C8orf34: variants seen among roughly 807,000 people sequenced by gnomAD.
C8orf34 encodes chromosome 8 open reading frame 34, also known as uncharacterized protein C8orf34.
In C8orf34, 65 loss-of-function variants were observed where a neutral mutation model predicts 68.3. The observed-to-expected ratio is 0.95, with a 90% CI of 0.78 to 1.17. The LOEUF (loss-of-function observed/expected upper bound fraction) is 1.17. C8orf34 is among the 50% of genes most tolerant of loss of function. The pLI is 0.00. For missense variants in C8orf34, 664 were observed against 655.4 expected, an observed-to-expected ratio of 1.01 and a Z score of -0.14; for synonymous variants, 244 against 241.2, an observed-to-expected ratio of 1.01 and a Z score of -0.11.
At chr8:68,472,313 A>T (rs1392368317) in intron 4 of C8orf34, among the ~76,000 whole-genome samples, 1 of 152,044 alleles carries the variant, frequency 6.6e-6, no homozygotes, top group Non-Finnish European at 1.5e-5. Flanking sequence ...CATTCCTTCA[A>T]GTGTTTGCCC....
chr8:68,699,895 A>G (rs1820938361), intron 8 of C8orf34, among the ~76,000 whole-genome samples: 1 of 152,130 alleles, frequency 6.6e-6, no homozygotes, highest in African/African-American at 2.4e-5. Flanking sequence ...TTCAGGAGAT[A>G]GGAAGTTACA....
rs535079936 is a variant in C8orf34 at position 68,776,527 on chromosome 8, C to T, written c.1455+78C>T. 241 of 1,165,966 alleles carry T rather than the reference C, an allele frequency of 2.1e-4. 1 individual carries two copies. Among genetic ancestry groups the T allele is most frequent in the Non-Finnish European group, 3.0e-4 (233 of 787,630 alleles). The allele number at this position is 1,165,966 out of a possible 1,614,324, so 72.2% of individuals were successfully genotyped here. On this transcript the variant is annotated intron_variant, in intron 11 of 13. Transcript: ENST00000518698. ...GATGAAGCACTCACTTAGGCTTTCT[C>T]CATCTACTTGTAGGGTTTCTAGTCT...
chr8:68,623,446 G>A (rs1013052706), intron 7 of C8orf34, among the ~76,000 whole-genome samples: 1 of 152,066 alleles, frequency 6.6e-6, no homozygotes, highest in Non-Finnish European at 1.5e-5. Context: ...AATGTCTCCA[G>A]ACATTGTCCC....
intron 1 of C8orf34, among the ~76,000 whole-genome samples, chr8:68,391,691 G>A (rs1197415548): frequency 1.3e-5 from 2 of 152,140 alleles, no homozygotes; most frequent in African/African-American, 2.4e-5. Flanking sequence ...AAACCACAAG[G>A]TTTATTTCTC....
intron 1 of C8orf34, among the ~76,000 whole-genome samples, chr8:68,430,551 A>G (rs551677017): frequency 2.7e-4 from 41 of 152,288 alleles, no homozygotes; most frequent in African/African-American, 9.6e-4. Flanking sequence ...TTTGATGCCA[A>G]CACATACACA....
intron 9 of C8orf34, among the ~76,000 whole-genome samples, chr8:68,718,528 T>C (rs1821541803): frequency 6.6e-6 from 1 of 152,222 alleles, no homozygotes; most frequent in Admixed American, 6.5e-5. Context: ...TATGAGTTTC[T>C]GATTTAGTAC....
intron 7 of C8orf34, among the ~76,000 whole-genome samples, chr8:68,571,078 G>A (rs996621750): frequency 6.6e-6 from 1 of 152,114 alleles, no homozygotes; most frequent in South Asian, 2.1e-4. Flanking sequence ...CCTCCGTGGA[G>A]GAGAGTAGGA....
rs77131967 is a variant in C8orf34 at position 68,434,126 on chromosome 8, C to A, written c.328-5373C>A. On this transcript the variant is annotated intron_variant, in intron 1 of 13. Coordinates refer to ENST00000518698, the MANE Select transcript of C8orf34 (RefSeq NM_052958.4). ...AGGAATTTTGTCTTTGTATGCATTT[C>A]TTTCCTTTTTCTTCTTTTACTTTAA... Among the ~76,000 whole-genome samples the A allele has an allele frequency of 5.9e-3, 901 of 152,142 alleles. 34 individuals carry two copies. The East Asian group carries it at 0.11, about 18-fold the overall frequency.
At chr8:68,534,414 A>G in intron 7 of C8orf34, 1 of 836,248 alleles carries the variant, frequency 1.2e-6, no homozygotes, top group Non-Finnish European at 1.4e-6. Context: ...GGGAACATAA[A>G]AATAAAATCA....
Position 68,748,924 on chromosome 8 carries a change from C to T in C8orf34, c.1405-27475C>T, listed in dbSNP as rs535058482. Among the ~76,000 whole-genome samples, 781 of 152,078 alleles carry T rather than the reference C, an allele frequency of 5.1e-3. 8 individuals are homozygous for T. The highest frequency in any genetic ancestry group is 0.017 in the African/African-American group (700 of 41,432). ...AGGACTGTAAATCATGCTGCTATAACGACACATGCACACGTATGTTTATTG... is the reference window on the plus strand; with the variant it reads ...AGGACTGTAAATCATGCTGCTATAATGACACATGCACACGTATGTTTATTG... On this transcript the variant is annotated intron_variant, in intron 10 of 13. Coordinates refer to ENST00000518698, the MANE Select transcript of C8orf34 (RefSeq NM_052958.4).
At chr8:68,573,246 G>A (rs935035314) in intron 7 of C8orf34, among the ~76,000 whole-genome samples, 28 of 152,106 alleles carry the variant, frequency 1.8e-4, no homozygotes, top group African/African-American at 6.0e-4. Flanking sequence ...GTTGTGCCTT[G>A]TCACTTGCTT....
chr8:68,550,973 A>G (rs1209281652), intron 7 of C8orf34, among the ~76,000 whole-genome samples: 1 of 151,146 alleles, frequency 6.6e-6, no homozygotes, highest in East Asian at 1.9e-4. Flanking sequence ...GTTTGCACAT[A>G]GTATGCCTAG....
chr8:68,348,735 A>G (rs568905529), intron 1 of C8orf34, among the ~76,000 whole-genome samples: 2 of 151,814 alleles, frequency 1.3e-5, no homozygotes, highest in South Asian at 2.1e-4. Flanking sequence ...GCAATTGTGA[A>G]TGGGGTTGCC....
chr8:68,799,396 C>T (rs185360406), intron 12 of C8orf34, among the ~76,000 whole-genome samples: 7 of 152,222 alleles, frequency 4.6e-5, no homozygotes, highest in Admixed American at 2.6e-4. Context: ...GCAAGCAAAG[C>T]CTATTGTTTT....
intron 11 of C8orf34, among the ~76,000 whole-genome samples, chr8:68,781,321 A>T (rs992484795): frequency 2.6e-5 from 4 of 152,194 alleles, no homozygotes; most frequent in Admixed American, 6.5e-5. Flanking sequence ...ATAGAATAAT[A>T]TATTGATTCA....
intron 8 of C8orf34, among the ~76,000 whole-genome samples, chr8:68,666,930 T>A (rs1563596364): frequency 6.6e-6 from 1 of 152,334 alleles, no homozygotes; most frequent in Middle Eastern, 3.4e-3. Context: ...GCATCTTTTT[T>A]ATGAAATGGA....
intron 1 of C8orf34, among the ~76,000 whole-genome samples, chr8:68,332,013 A>G (rs1227867060): frequency 3.3e-5 from 5 of 151,294 alleles, no homozygotes; most frequent in Non-Finnish European, 7.4e-5. Context: ...ATGTGTTAGC[A>G]GGAGAAAGGG....
chr8:68,432,412 G>T (rs1229771463), intron 1 of C8orf34, among the ~76,000 whole-genome samples: 2 of 151,960 alleles, frequency 1.3e-5, no homozygotes, highest in Non-Finnish European at 2.9e-5. Flanking sequence ...CTGGGTTCAA[G>T]TGATCTTCCT....
intron 5 of C8orf34, among the ~76,000 whole-genome samples, chr8:68,492,387 G>T (rs528380347): frequency 4.6e-5 from 7 of 151,892 alleles, no homozygotes; most frequent in African/African-American, 1.7e-4. Context: ...GTGCCACCAT[G>T]CCTGGCTAAT....
Sources: allele counts gnomAD v4.1 joint callset (sites outside exome capture counted in the v4.1 genomes callset), GRCh38; gene constraint gnomAD v4.1.1; transcripts MANE v1.5; gene names NCBI Gene and HGNC (gene_info 2026-07-23, HGNC 2026-07-21).